The following ACSL3 variants were observed in gnomAD, a reference collection of about 807,000 sequenced individuals.
ACSL3 encodes fatty acid CoA ligase Acsl3.
A neutral mutation model predicts 84.7 loss-of-function variants in ACSL3; 34 were observed. That is an observed-to-expected ratio of 0.40 (90% confidence interval 0.31 to 0.53). The LOEUF is 0.53. Ranked by LOEUF, ACSL3 falls within the 20% of genes least tolerant of loss-of-function variation. The pLI, the probability that ACSL3 is intolerant of heterozygous loss-of-function variation, is 0.48. For missense variants in ACSL3, 680 were observed against 873.1 expected, an observed-to-expected ratio of 0.78 and a Z score of 2.79; for synonymous variants, 315 against 299.4, an observed-to-expected ratio of 1.05 and a Z score of -0.54.
intron 2 of ACSL3, among the ~76,000 whole-genome samples, chr2:222,891,321 A>G: frequency 6.6e-6 from 1 of 152,220 alleles, no homozygotes; most frequent in East Asian, 1.9e-4. Flanking sequence ...GTTGAACTGC[A>G]TCAATATTAA....
At chr2:222,885,471 A>G (rs1054303525) in intron 1 of ACSL3, among the ~76,000 whole-genome samples, 1 of 152,208 alleles carries the variant, frequency 6.6e-6, no homozygotes, top group Non-Finnish European at 1.5e-5. Flanking sequence ...CATTTTTAAT[A>G]GGTAATAAAC....
chr2:222,935,646 T>C (rs1174837670), intron 16 of ACSL3, among the ~76,000 whole-genome samples: 1 of 152,274 alleles, frequency 6.6e-6, no homozygotes, highest in South Asian at 2.1e-4. Flanking sequence ...GAAATATTTT[T>C]AATCTTTGAA....
intron 16 of ACSL3, among the ~76,000 whole-genome samples, chr2:222,940,663 A>G (rs540851447): frequency 5.3e-5 from 8 of 152,258 alleles, no homozygotes; most frequent in Non-Finnish European, 8.8e-5. Flanking sequence ...ACAATTACCT[A>G]TGGTATTCAG....
intron 2 of ACSL3, among the ~76,000 whole-genome samples, chr2:222,898,470 G>A (rs1276336064): frequency 3.3e-5 from 5 of 152,178 alleles, no homozygotes; most frequent in Admixed American, 3.3e-4. Context: ...TTTAGGTATT[G>A]GGGCAGTAAG....
chr2:222,899,725 A>T (rs985002280), intron 2 of ACSL3, among the ~76,000 whole-genome samples: 3 of 152,146 alleles, frequency 2.0e-5, no homozygotes, highest in Admixed American at 6.5e-5. Context: ...GCTGGTATAC[A>T]TGGGAAGATG....
At position 222,924,573 on chromosome 2, in the gene ACSL3, CG is replaced by C; in HGVS notation, c.1271del (p.Arg424LeufsTer18). 1 of 1,607,584 alleles carries C rather than the reference CG, an allele frequency of 6.2e-7. No individual in the cohort carries two copies. Among genetic ancestry groups the C allele is most frequent in the Non-Finnish European group, 8.5e-7 (1 of 1,177,614 alleles). On this transcript the variant is annotated frameshift_variant, in exon 11 of 17. Coordinates refer to ENST00000357430, the MANE Select transcript of ACSL3 (RefSeq NM_004457.5). LOFTEE classifies it high-confidence loss of function. The stretch of plus-strand genomic sequence containing the variant: ...CAAAATGGAACAGATTTCAAAAGGA[CG>C]TAATACTCCACTGTGCGACAGGTAA... ...NYKMEQISKG[R>X]NTPLCDSFVF...
chr2:222,938,752 C>T (rs1015331848), intron 16 of ACSL3, among the ~76,000 whole-genome samples: 17 of 152,144 alleles, frequency 1.1e-4, no homozygotes, highest in South Asian at 2.1e-4. Flanking sequence ...TTCTGAACTC[C>T]TATAATGAGC....
At chr2:222,888,071 T>C (rs189055991) in intron 2 of ACSL3, among the ~76,000 whole-genome samples, 183 bp downstream of exon 2, 1 of 152,330 alleles carries the variant, frequency 6.6e-6, no homozygotes, top group African/African-American at 2.4e-5. Context: ...TTAAACCATG[T>C]CATTGAGCAG....
At chr2:222,908,094 G>A (rs192644909) in intron 3 of ACSL3, among the ~76,000 whole-genome samples, 14 of 152,300 alleles carry the variant, frequency 9.2e-5, no homozygotes, top group East Asian at 5.8e-4. Context: ...TGTTACTTTC[G>A]CAGTGCTTAG....
At chr2:222,864,029 A>G (rs1695077790) in intron 1 of ACSL3, among the ~76,000 whole-genome samples, 1 of 152,102 alleles carries the variant, frequency 6.6e-6, no homozygotes. Flanking sequence ...AGAGCCATAT[A>G]TGATAAACAG....
At position 222,901,193 on chromosome 2, in the gene ACSL3, C is replaced by G. The variant is rs145931327; in HGVS notation, c.-41+413C>G. 2.4e-3 allele frequency among the ~76,000 whole-genome samples: 371 copies of G among 152,314 alleles called. 3 individuals carry two copies. Among genetic ancestry groups the G allele is most frequent in the African/African-American group, 8.5e-3 (353 of 41,572 alleles). ...TACTCTTCCTGAAGCACCATTAACACTTGATTAATACTTACCTTTAGGTTA... is the reference window on the plus strand; with the variant it reads ...TACTCTTCCTGAAGCACCATTAACAGTTGATTAATACTTACCTTTAGGTTA... On this transcript the variant is annotated intron_variant, in intron 3 of 16. Transcript: ENST00000357430.
chr2:222,888,966 A>G (rs1369118485), intron 2 of ACSL3, among the ~76,000 whole-genome samples: 3 of 152,250 alleles, frequency 2.0e-5, no homozygotes, highest in Non-Finnish European at 4.4e-5. Context: ...AGGTAAACCC[A>G]TTGTAACACA....
chr2:222,862,934 G>GA lies in ACSL3; in HGVS notation c.-207+1680dup, dbSNP rs1169263709. Among the ~76,000 whole-genome samples the GA allele has an allele frequency of 3.9e-5, 6 of 152,288 alleles. No homozygotes were observed. The South Asian group carries it at 1.2e-3, about 32-fold the overall frequency. ...ATGAAGAACGCACAAATTATAAGGG[G>GA]AAAATCATCCTCTGTCTGGTTTGGG... On this transcript the variant is annotated intron_variant, in intron 1 of 16. Coordinates refer to ENST00000357430, the MANE Select transcript of ACSL3 (RefSeq NM_004457.5).
chr2:222,917,201 T>C (rs1275742838), intron 5 of ACSL3, among the ~76,000 whole-genome samples: 1 of 152,184 alleles, frequency 6.6e-6, no homozygotes, highest in Non-Finnish European at 1.5e-5. Context: ...GCAATTCTCC[T>C]GCCTTAGCCT....
intron 1 of ACSL3, among the ~76,000 whole-genome samples, chr2:222,867,357 A>G (rs921089323): frequency 6.6e-6 from 1 of 151,514 alleles, no homozygotes; most frequent in Non-Finnish European, 1.5e-5. Context: ...AAAGAAACCC[A>G]CTCCTTTCCC....
intron 14 of ACSL3, among the ~76,000 whole-genome samples, chr2:222,931,272 G>A (rs1697024296): frequency 6.6e-6 from 1 of 151,904 alleles, no homozygotes; most frequent in Non-Finnish European, 1.5e-5. Flanking sequence ...GCCGTGTGTG[G>A]TGTCTTTGTC....
At chr2:222,892,377 A>G (rs536038772) in intron 2 of ACSL3, among the ~76,000 whole-genome samples, 2 of 152,136 alleles carry the variant, frequency 1.3e-5, no homozygotes, top group African/African-American at 4.8e-5. Flanking sequence ...TTAGCTTTGG[A>G]TGCCTGAGAA....
At chr2:222,883,116 T>C (rs1695632252) in intron 1 of ACSL3, among the ~76,000 whole-genome samples, 1 of 151,790 alleles carries the variant, frequency 6.6e-6, no homozygotes, top group South Asian at 2.1e-4. Flanking sequence ...TATGTATCCT[T>C]CTTTGTTGAT....
chr2:222,866,901 C>A (rs1048078088), intron 1 of ACSL3, among the ~76,000 whole-genome samples: 1 of 148,468 alleles, frequency 6.7e-6, no homozygotes, highest in African/African-American at 2.5e-5. Context: ...GTGGTGTGAT[C>A]TCTGCTCACT....
Sources: gnomAD v4.1 joint callset for allele counts (sites outside exome capture counted in the v4.1 genomes callset) on GRCh38, gnomAD v4.1.1 for gene constraint, MANE v1.5 for transcripts, NCBI Gene and HGNC (gene_info 2026-07-23, HGNC 2026-07-21) for gene names.